Variants in MACROD2 observed in about 807,000 individuals in gnomAD.
MACROD2 encodes the protein ADP-ribose glycohydrolase MACROD2.
Under a neutral mutation model 70.4 loss-of-function variants are expected in MACROD2, and 36 were observed. The observed-to-expected ratio is 0.51, with a 90% CI of 0.39 to 0.68. The LOEUF is 0.68. Ranked by LOEUF, MACROD2 falls within the 30% of genes least tolerant of loss-of-function variation. MACROD2 has a pLI of 0.00. For synonymous variants in MACROD2, 172 were observed against 178.8 expected, an observed-to-expected ratio of 0.96 and a Z score of 0.30; for missense variants, 496 against 538.4, an observed-to-expected ratio of 0.92 and a Z score of 0.78.
intron 5 of MACROD2, among the ~76,000 whole-genome samples, chr20:15,000,352 G>A (rs549322391): frequency 1.6e-4 from 21 of 130,834 alleles, no homozygotes; most frequent in Admixed American, 1.3e-3. Flanking sequence ...GGCCGGGCGC[G>A]GTGGCTCACG....
At chr20:14,245,489 A>T (rs371923208) in intron 3 of MACROD2, among the ~76,000 whole-genome samples, 1 of 152,188 alleles carries the variant, frequency 6.6e-6, no homozygotes, top group African/African-American at 2.4e-5. Flanking sequence ...CTCAGAGAGG[A>T]TGAGTAACTT....
chr20:15,894,524 T>A (rs1347481243), intron 10 of MACROD2, among the ~76,000 whole-genome samples: 1 of 152,180 alleles, frequency 6.6e-6, no homozygotes, highest in East Asian at 1.9e-4. Context: ...CAGGTGGGTC[T>A]GAGAGAGACA....
intron 10 of MACROD2, 41 bp downstream of exon 10, chr20:15,885,852 G>T (rs2147210072): frequency 6.8e-7 from 1 of 1,478,444 alleles, no homozygotes; most frequent in Non-Finnish European, 9.0e-7. Flanking sequence ...GTAGGTAGGG[G>T]TCATTTTGTT....
At chr20:15,042,365 A>G (rs569782493) in intron 5 of MACROD2, among the ~76,000 whole-genome samples, 20 of 152,338 alleles carry the variant, frequency 1.3e-4, no homozygotes, top group African/African-American at 4.8e-4. Flanking sequence ...TATAAAAATA[A>G]TGGTACATGT....
chr20:15,289,438 T>A (rs2077521776), intron 6 of MACROD2, among the ~76,000 whole-genome samples: 1 of 152,116 alleles, frequency 6.6e-6, no homozygotes, highest in Non-Finnish European at 1.5e-5. Flanking sequence ...ATCTTATGGG[T>A]TTGCTTGTTA....
intron 5 of MACROD2, among the ~76,000 whole-genome samples, chr20:14,846,982 T>A (rs2073148854): frequency 6.6e-6 from 1 of 152,186 alleles, no homozygotes; most frequent in Non-Finnish European, 1.5e-5. Context: ...ATGCCTTCAG[T>A]TTATAGAAAA....
intron 5 of MACROD2, among the ~76,000 whole-genome samples, chr20:14,891,185 G>T (rs1211687060): frequency 6.6e-6 from 1 of 152,024 alleles, no homozygotes; most frequent in African/African-American, 2.4e-5. Context: ...ACTCTTGGAA[G>T]ATTTTCACTT....
chr20:15,378,425 G>C (rs2045595747), intron 6 of MACROD2, among the ~76,000 whole-genome samples: 1 of 152,074 alleles, frequency 6.6e-6, no homozygotes, highest in South Asian at 2.1e-4. Flanking sequence ...GCACATGCTG[G>C]AGAAACTTTA....
chr20:15,954,824 C>T (rs912513761), intron 12 of MACROD2, among the ~76,000 whole-genome samples: 2 of 152,172 alleles, frequency 1.3e-5, no homozygotes, highest in African/African-American at 2.4e-5. Flanking sequence ...CCTTATTATA[C>T]ATCAGTTTCT....
At chr20:15,678,526 A>G (rs1410915358) in intron 8 of MACROD2, among the ~76,000 whole-genome samples, 1 of 152,050 alleles carries the variant, frequency 6.6e-6, no homozygotes, top group Non-Finnish European at 1.5e-5. Context: ...TGCCTGGCTA[A>G]TTTTTTGTAT....
chr20:14,983,051 G>T (rs2074816124), intron 5 of MACROD2, among the ~76,000 whole-genome samples: 1 of 152,214 alleles, frequency 6.6e-6, no homozygotes, highest in Admixed American at 6.5e-5. Flanking sequence ...TCTAGCATCA[G>T]TGTTACCTGG....
intron 3 of MACROD2, among the ~76,000 whole-genome samples, chr20:14,105,527 G>A (rs1316861572): frequency 6.6e-6 from 1 of 152,182 alleles, no homozygotes; most frequent in Non-Finnish European, 1.5e-5. Context: ...TCCCCACTGA[G>A]GGCCAGAGTG....
At chr20:15,471,006 T>C (rs1268243414) in intron 7 of MACROD2, among the ~76,000 whole-genome samples, 1 of 152,206 alleles carries the variant, frequency 6.6e-6, no homozygotes, top group Non-Finnish European at 1.5e-5. Context: ...TTCCGCCTCC[T>C]TCATCCATCT....
chr20:15,093,758 G>T (rs1393871678), intron 5 of MACROD2, among the ~76,000 whole-genome samples: 1 of 152,074 alleles, frequency 6.6e-6, no homozygotes, highest in African/African-American at 2.4e-5. Flanking sequence ...AATTATTTCT[G>T]CATCTTATTT....
At chr20:14,625,459 A>G (rs980222415) in intron 4 of MACROD2, among the ~76,000 whole-genome samples, 8 of 152,190 alleles carry the variant, frequency 5.3e-5, no homozygotes, top group African/African-American at 1.7e-4. Context: ...GTCAGAGGGC[A>G]ATCACCACCG....
intron 3 of MACROD2, among the ~76,000 whole-genome samples, chr20:14,255,005 T>C (rs911459397): frequency 5.3e-5 from 8 of 151,616 alleles, no homozygotes; most frequent in African/African-American, 1.2e-4. Flanking sequence ...CTTATGAAGC[T>C]TAGTTTGGCT....
At chr20:15,406,674 A>G (rs1194847575) in intron 6 of MACROD2, among the ~76,000 whole-genome samples, 2 of 152,178 alleles carry the variant, frequency 1.3e-5, no homozygotes, top group African/African-American at 4.8e-5. Flanking sequence ...AGGCTGGGCA[A>G]TTGAACTCCA....
intron 10 of MACROD2, among the ~76,000 whole-genome samples, chr20:15,909,708 A>G (rs1046293664): frequency 6.6e-6 from 1 of 151,550 alleles, no homozygotes; most frequent in African/African-American, 2.4e-5. Flanking sequence ...TATTTTTAGT[A>G]GAGACGGGGT....
At chr20:14,858,394 A>C in intron 5 of MACROD2, among the ~76,000 whole-genome samples, 1 of 152,136 alleles carries the variant, frequency 6.6e-6, no homozygotes, top group East Asian at 1.9e-4. Flanking sequence ...GCCACTCAGA[A>C]GAGATTCTTT....
Sources: allele counts gnomAD v4.1 joint callset (sites outside exome capture counted in the v4.1 genomes callset), GRCh38; gene constraint gnomAD v4.1.1; transcripts MANE v1.5; gene names NCBI Gene and HGNC (gene_info 2026-07-23, HGNC 2026-07-21).